CDH4: variants seen among roughly 807,000 people sequenced by gnomAD.
CDH4 encodes cadherin 4.
CDH4 carries 33 observed loss-of-function variants against 86.0 expected under a neutral mutation model. The ratio of observed to expected loss-of-function variants is 0.38; its 90% CI spans 0.29 to 0.51. CDH4 has a LOEUF of 0.51. CDH4 is among the 20% of genes least tolerant of loss of function. CDH4 has a pLI of 0.86. For synonymous variants in CDH4, 555 were observed against 549.4 expected, an observed-to-expected ratio of 1.01 and a Z score of -0.14; for missense variants, 1,114 against 1,307.4, an observed-to-expected ratio of 0.85 and a Z score of 2.28.
At chr20:61,263,485 T>C (rs1399082136) in intron 2 of CDH4, among the ~76,000 whole-genome samples, 3 of 152,178 alleles carry the variant, frequency 2.0e-5, no homozygotes, top group Non-Finnish European at 4.4e-5. Flanking sequence ...CATGTGCCAA[T>C]GTGTCTTCTC....
At chr20:61,365,900 C>T (rs2084808685) in intron 2 of CDH4, among the ~76,000 whole-genome samples, 1 of 152,162 alleles carries the variant, frequency 6.6e-6, no homozygotes. Context: ...GATTGGATTC[C>T]ACACAGGCTG....
At position 61,714,023 on chromosome 20, in the gene CDH4, T is replaced by TTATGTTATGTTATGTTATGTTATGTTATG. The variant is rs1555828915; in HGVS notation, c.170-29539_170-29538insATGTTATGTTATGTTATGTTATGTTATGT. 2.9e-3 allele frequency among the ~76,000 whole-genome samples: 359 copies of TTATGTTATGTTATGTTATGTTATGTTATG among 123,890 alleles called. 40 individuals carry two copies. Among genetic ancestry groups the TTATGTTATGTTATGTTATGTTATGTTATG allele is most frequent in the African/African-American group, 9.8e-3 (244 of 24,884 alleles). The allele number at this position is 123,890 out of a possible 152,430, so 81.3% of individuals were successfully genotyped here. On this transcript the variant is annotated intron_variant, in intron 2 of 15. Transcript: ENST00000614565. ...GTCTTAGTCCATTGTCTATTCTTTTTTTATTTTATTTTATTTTATTTTATT... is the reference window on the plus strand; with the variant it reads ...GTCTTAGTCCATTGTCTATTCTTTTTTATGTTATGTTATGTTATGTTATGTTATGTTATTTTATTTTATTTTATTTTATT...
chr20:61,760,456 G>A (rs1358951935), intron 3 of CDH4, among the ~76,000 whole-genome samples: 1 of 152,270 alleles, frequency 6.6e-6, no homozygotes, highest in Non-Finnish European at 1.5e-5. Context: ...GGAACGGTGA[G>A]GGCTGAGAGC....
At chr20:61,418,243 C>T (rs1388725419) in intron 2 of CDH4, among the ~76,000 whole-genome samples, 2 of 146,526 alleles carry the variant, frequency 1.4e-5, no homozygotes, top group Non-Finnish European at 3.0e-5. Flanking sequence ...CAGAGTCTCG[C>T]TCTGTCCCCC....
intron 2 of CDH4, among the ~76,000 whole-genome samples, chr20:61,309,752 C>T (rs1478015430): frequency 1.3e-5 from 2 of 149,994 alleles, no homozygotes; most frequent in East Asian, 4.0e-4. Flanking sequence ...TTTAATTCCA[C>T]AAAAGCTTCA....
rs182178067 is a variant in CDH4 at position 61,457,330 on chromosome 20, C to T, written c.169+202393C>T. Among the ~76,000 whole-genome samples, 144 of 152,258 alleles carry T rather than the reference C, an allele frequency of 9.5e-4. 1 individual carries two copies. Among genetic ancestry groups the T allele is most frequent in the African/African-American group, 3.3e-3 (137 of 41,550 alleles). ...GGAGCAAAAGGGTGGCTTGTTGGATCCTCCTTCAGATAACTCTGTTAAAAA... is the reference window on the plus strand; with the variant it reads ...GGAGCAAAAGGGTGGCTTGTTGGATTCTCCTTCAGATAACTCTGTTAAAAA... On this transcript the variant is annotated intron_variant, in intron 2 of 15. Transcript: ENST00000614565.
At chr20:61,750,616 C>G (rs2088480831) in intron 3 of CDH4, among the ~76,000 whole-genome samples, 1 of 152,204 alleles carries the variant, frequency 6.6e-6, no homozygotes. Context: ...CCTCCCAAAT[C>G]CTTATAGGGA....
Position 61,691,417 on chromosome 20 carries a change from ATG to A in CDH4, c.170-52137_170-52136del, listed in dbSNP as rs534856898. On this transcript the variant is annotated intron_variant, in intron 2 of 15. Coordinates refer to ENST00000614565, the MANE Select transcript of CDH4 (RefSeq NM_001794.5). ...TGTGTGTGTGCAAGTGGATGTGTGG[ATG>A]TGTGTGTGCGTGTGCATGTGTGTCT... Among the ~76,000 whole-genome samples, 24 of 150,796 alleles carry A rather than the reference ATG, an allele frequency of 1.6e-4. No homozygotes were observed. The East Asian group carries it at 4.1e-3, about 26-fold the overall frequency.
At chr20:61,723,286 A>C (rs1241258650) in intron 2 of CDH4, among the ~76,000 whole-genome samples, 1 of 152,180 alleles carries the variant, frequency 6.6e-6, no homozygotes, top group Non-Finnish European at 1.5e-5. Flanking sequence ...TCACTGGGTG[A>C]GGAGCCCCTG....
chr20:61,253,757 C>G (rs1231463366), intron 1 of CDH4, among the ~76,000 whole-genome samples: 1 of 152,154 alleles, frequency 6.6e-6, no homozygotes. Flanking sequence ...TCCGCGGTGC[C>G]GGCGTCGGGA....
intron 2 of CDH4, among the ~76,000 whole-genome samples, chr20:61,666,871 C>T (rs900395243): frequency 6.6e-6 from 1 of 152,234 alleles, no homozygotes; most frequent in Admixed American, 6.5e-5. Flanking sequence ...GCCCAGCTTC[C>T]GCTTCCCCTG....
At chr20:61,905,326 G>T (rs1257491901) in intron 8 of CDH4, among the ~76,000 whole-genome samples, 1 of 152,222 alleles carries the variant, frequency 6.6e-6, no homozygotes, top group Non-Finnish European at 1.5e-5. Context: ...TAGACTCTTT[G>T]TATAAACTTC....
intron 11 of CDH4, among the ~76,000 whole-genome samples, chr20:61,926,755 C>G (rs533380288): frequency 1.7e-3 from 258 of 152,306 alleles, no homozygotes; most frequent in African/African-American, 6.0e-3. Context: ...CGCCTGTAAT[C>G]CCAGCTATTC....
chr20:61,670,957 A>G (rs1235640450), intron 2 of CDH4, among the ~76,000 whole-genome samples: 2 of 152,128 alleles, frequency 1.3e-5, no homozygotes, highest in Non-Finnish European at 2.9e-5. Flanking sequence ...GCCCTAAAAA[A>G]CCTGTGAGTG....
At position 61,923,711 on chromosome 20, in the gene CDH4, G is replaced by C. The variant is rs763848877; in HGVS notation, c.1628+7G>C. ...TCATGCAGCAGGCTGTGAGGTGGGTGCACAGGACATGCCTCGTCCCTGCCT... is the reference window on the plus strand; with the variant it reads ...TCATGCAGCAGGCTGTGAGGTGGGTCCACAGGACATGCCTCGTCCCTGCCT... On this transcript the variant is annotated splice_region_variant and intron_variant, in intron 10 of 15. Coordinates refer to ENST00000614565, the MANE Select transcript of CDH4 (RefSeq NM_001794.5). 1.2e-6 allele frequency: 2 copies of C among 1,612,320 alleles called. No individual in the cohort carries two copies. The highest frequency in any genetic ancestry group is 2.7e-5 in the African/African-American group (2 of 75,050).
chr20:61,565,358 G>GGGA lies in CDH4; in HGVS notation c.170-178203_170-178202insAGG, dbSNP rs1555809218. 9.9e-4 allele frequency among the ~76,000 whole-genome samples: 33 copies of GGGA among 33,364 alleles called. 4 individuals carry two copies. The highest frequency in any genetic ancestry group is 1.5e-3 in the Non-Finnish European group (27 of 17,616). 21.9% of individuals were successfully genotyped at this position (33,364 alleles called of 152,430 possible). A position where few individuals can be genotyped will look rare whatever the true frequency, so the allele number is the denominator to read the frequency against. ...GGTGGTAGTGGTCCTCTTGGTGATGGGGTGATGGTGGTGGTGGTCCTCTTG... is the reference window on the plus strand; with the variant it reads ...GGTGGTAGTGGTCCTCTTGGTGATGGGGAGGTGATGGTGGTGGTGGTCCTCTTG... On this transcript the variant is annotated intron_variant, in intron 2 of 15. Transcript: ENST00000614565.
intron 2 of CDH4, among the ~76,000 whole-genome samples, chr20:61,650,540 T>G (rs1267187775): frequency 1.2e-4 from 18 of 152,228 alleles, no homozygotes. Flanking sequence ...AGCTTTTCTA[T>G]TAAACATTTC....
intron 2 of CDH4, among the ~76,000 whole-genome samples, chr20:61,388,778 G>T (rs1372324378): frequency 6.6e-6 from 1 of 152,166 alleles, no homozygotes; most frequent in African/African-American, 2.4e-5. Context: ...TTTTTATCGT[G>T]TGCTTTTTTC....
chr20:61,664,406 G>C (rs2087298958), intron 2 of CDH4, among the ~76,000 whole-genome samples: 1 of 152,212 alleles, frequency 6.6e-6, no homozygotes, highest in Non-Finnish European at 1.5e-5. Flanking sequence ...ACCACAGCTG[G>C]GGCATGGGGA....
Sources: gnomAD v4.1 joint callset for allele counts (sites outside exome capture counted in the v4.1 genomes callset) on GRCh38, gnomAD v4.1.1 for gene constraint, MANE v1.5 for transcripts, NCBI Gene and HGNC (gene_info 2026-07-23, HGNC 2026-07-21) for gene names.